The following MAP4 variants were observed in gnomAD, a reference collection of about 807,000 sequenced individuals.
MAP4 encodes the protein microtubule associated protein 4.
In MAP4, 76 loss-of-function variants were observed where a neutral mutation model predicts 170.2. The observed-to-expected ratio is 0.45, with a 90% confidence interval of 0.37 to 0.54. The LOEUF (loss-of-function observed/expected upper bound fraction) is 0.54, where lower values mean the gene tolerates loss of function less well. Ranked by LOEUF, MAP4 falls within the 20% of genes least tolerant of loss-of-function variation. MAP4 has a pLI of 0.00. For missense variants in MAP4, 2,506 were observed against 2,748.0 expected (o/e 0.91, Z 1.97); for synonymous variants, 909 against 994.5 (o/e 0.91, Z 1.62).
chr3:47,915,672 G>A (rs1347587922), intron 7 of MAP4, among the ~76,000 whole-genome samples: 1 of 152,118 alleles, frequency 6.6e-6, no homozygotes, highest in Non-Finnish European at 1.5e-5. Context: ...ACAAGTAGTT[G>A]GGTAGATAAT....
chr3:47,882,448 A>C (rs1297084594), intron 10 of MAP4, among the ~76,000 whole-genome samples: 1 of 145,530 alleles, frequency 6.9e-6, no homozygotes, highest in Admixed American at 6.8e-5. Flanking sequence ...TCCTTTTTTC[A>C]TTTTTTCAAA....
intron 1 of MAP4, among the ~76,000 whole-genome samples, chr3:48,036,431 GCCT>G: frequency 6.6e-6 from 1 of 152,178 alleles, no homozygotes; most frequent in South Asian, 2.1e-4. Context: ...TTAACTTTAT[GCCT>G]CCTGTTTTTT....
intron 1 of MAP4, among the ~76,000 whole-genome samples, chr3:48,063,610 G>T (rs1443480555): frequency 1.3e-5 from 2 of 151,960 alleles, no homozygotes; most frequent in Non-Finnish European, 2.9e-5. Flanking sequence ...GCCTTTAATA[G>T]GTGAATGGAT....
chr3:48,008,019 T>C (rs888507731), intron 1 of MAP4, among the ~76,000 whole-genome samples: 4 of 152,324 alleles, frequency 2.6e-5, no homozygotes, highest in Non-Finnish European at 5.9e-5. Flanking sequence ...TGTTTGACTA[T>C]GGGTCATCAA....
intron 1 of MAP4, among the ~76,000 whole-genome samples, chr3:48,058,487 A>G (rs1314491882): frequency 6.6e-6 from 1 of 152,218 alleles, no homozygotes; most frequent in African/African-American, 2.4e-5. Flanking sequence ...TCTGATTTTC[A>G]CTAGGTCTGG....
chr3:48,009,760 A>G (rs761985244), intron 1 of MAP4, among the ~76,000 whole-genome samples: 47 of 152,010 alleles, frequency 3.1e-4, no homozygotes, highest in Non-Finnish European at 5.7e-4. Context: ...ACTCACCATC[A>G]CCCCTAGTGA....
Position 47,911,992 on chromosome 3 carries a change from C to A in MAP4, c.2429G>T (p.Gly810Val), listed in dbSNP as rs182517927. The A allele has an allele frequency of 6.5e-7, 1 of 1,536,094 alleles. No homozygotes were observed. Among genetic ancestry groups the A allele is most frequent in the East Asian group, 2.4e-5 (1 of 40,920 alleles). ...HPFAADTQKS[G>V]VLPSQPTTMG... ...AGTGGTAGGCTGGCTGGGGAGAACA[C>A]CTGATTTTTGTGTGTCAGCTGCAAA... Residue 810 changes from glycine to valine, a missense_variant, in exon 9 of 21, where the codon GGT (glycine) becomes GTT (valine). Transcript: ENST00000683076. This position sits in a 1 kb window ranked among gnomAD's most constrained non-coding sequence, Gnocchi z 4.0.
Position 47,912,139 on chromosome 3 carries a change from A to G in MAP4, c.2282T>C (p.Ile761Thr). ...QRDLGREAWD[I>T]ESTPIMMKKK... Reference sequence around the variant, plus strand: ...CTTCATCATTATTGGTGTGCTTTCTATATCCCAGGCCTCCCTGCCAAGATC... The same window carrying G: ...CTTCATCATTATTGGTGTGCTTTCTGTATCCCAGGCCTCCCTGCCAAGATC... The change falls in exon 9 of 21, where the codon ATA (isoleucine) becomes ACA (threonine). Residue 761 changes from isoleucine (I) to threonine (T), a missense_variant. Physicochemically the swap from Ile to Thr is moderately conservative, Grantham distance 89 (BLOSUM62 -1). Coordinates refer to ENST00000683076, the MANE Select transcript of MAP4 (RefSeq NM_001385682.1). 2.2e-5 allele frequency: 34 copies of G among 1,536,094 alleles called. No individual in the cohort carries two copies. Among genetic ancestry groups the G allele is most frequent in the Non-Finnish European group, 3.0e-5 (34 of 1,146,894 alleles).
At chr3:48,075,508 C>T (rs915901226) in intron 1 of MAP4, among the ~76,000 whole-genome samples, 6 of 151,680 alleles carry the variant, frequency 4.0e-5, no homozygotes, top group Admixed American at 1.3e-4. Context: ...GCCTGGGCAA[C>T]GGAGCAAGAC....
chr3:47,912,379 TG>T lies in MAP4; in HGVS notation c.2041del (p.Gln681LysfsTer81), dbSNP rs1331093994. On this transcript the variant is annotated frameshift_variant, in exon 9 of 21. Transcript: ENST00000683076. LOFTEE classifies it high-confidence loss of function. The stretch of plus-strand genomic sequence containing the variant: ...CCTGCGGTCACTGGGTCTGCAAACT[TG>T]TTTGGCTTGTGTGGGAGGGGTACCG... ...YCGTPPTQAK[Q>X]VCRPSDRRST... 2 of 1,528,708 alleles carry T rather than the reference TG, an allele frequency of 1.3e-6. No individual in the cohort carries two copies. Among genetic ancestry groups the T allele is most frequent in the Admixed American group, 4.0e-5 (2 of 50,142 alleles). The allele number at this position is 1,528,708 out of a possible 1,614,324, so 94.7% of individuals were successfully genotyped here.
In MAP4 at chr3:47,997,326, T is replaced by TAAAA; in HGVS notation, c.223+1308_223+1311dup. On this transcript the variant is annotated intron_variant, in intron 2 of 20. Transcript: ENST00000683076. ...TCTAAACACAACATATTTAAACTGC[T>TAAAA]AAAAAAAAAAAAAAAAAAAGATAAA... 3.7e-3 allele frequency among the ~76,000 whole-genome samples: 165 copies of TAAAA among 44,970 alleles called. 7 individuals carry two copies. The highest frequency in any genetic ancestry group is 4.9e-3 in the Non-Finnish European group (116 of 23,456). 29.5% of individuals were successfully genotyped at this position (44,970 alleles called of 152,430 possible). A position where few individuals can be genotyped will look rare whatever the true frequency, so the allele number is the denominator to read the frequency against.
At chr3:48,012,004 A>T (rs1487087340) in intron 1 of MAP4, among the ~76,000 whole-genome samples, 2 of 152,162 alleles carry the variant, frequency 1.3e-5, no homozygotes, top group African/African-American at 4.8e-5. Context: ...AAATCCTGAG[A>T]TCGGATTAAG....
chr3:47,857,598 G>A (rs1172876062), intron 17 of MAP4, 86 bp from the exon 18 acceptor site: 480 of 913,496 alleles, frequency 5.3e-4, no homozygotes, highest in East Asian at 9.3e-4. Flanking sequence ...TCTTCTCCAT[G>A]TTCAGGGTTT....
intron 1 of MAP4, among the ~76,000 whole-genome samples, chr3:48,024,507 C>T (rs2100112093): frequency 1.3e-5 from 2 of 152,058 alleles, no homozygotes; most frequent in South Asian, 4.1e-4. Context: ...CTACAAAGCA[C>T]TTGATGAAAT....
chr3:47,888,473 G>A (rs1174120941), intron 10 of MAP4, among the ~76,000 whole-genome samples: 5 of 151,146 alleles, frequency 3.3e-5, no homozygotes, highest in Admixed American at 1.3e-4. Context: ...CTCCAGACGC[G>A]CTGCCTTAAG....
chr3:48,086,110 GTGTA>G (rs758264444), intron 1 of MAP4, among the ~76,000 whole-genome samples: 1 of 139,112 alleles, frequency 7.2e-6, no homozygotes, highest in Non-Finnish European at 1.5e-5. Flanking sequence ...ATATGTATAT[GTGTA>G]TGTATATATG....
intron 10 of MAP4, among the ~76,000 whole-genome samples, chr3:47,879,148 T>C (rs543353656): frequency 6.6e-6 from 1 of 152,174 alleles, no homozygotes; most frequent in African/African-American, 2.4e-5. Context: ...AACTGGTTAT[T>C]ATGGTAGAAA....
rs1221250815 is a variant in MAP4 at position 47,909,800 on chromosome 3, C to G, written c.4621G>C (p.Ala1541Pro). 1 of 1,614,022 alleles carries G rather than the reference C, an allele frequency of 6.2e-7. No homozygotes were observed. The highest frequency in any genetic ancestry group is 8.5e-7 in the Non-Finnish European group (1 of 1,179,894). The part of the protein sequence containing the change: ...AELADSMKNE[A>P]GIDEGHVIGE... ...ATCACATGCCCTTCATCGATCCCTG[C>G]TTCATTTTTCATGGAATCAGCAAGC... Residue 1541 changes from alanine to proline, a missense_variant, in exon 9 of 21, where the codon GCA (alanine) becomes CCA (proline). Physicochemically the swap from Ala to Pro is conservative, Grantham distance 27. Around this residue, in one of 3 missense-constraint regions of MAP4, gnomAD observed 2,008 missense variants for 2,206.0 expected, o/e 0.91. Transcript: ENST00000683076.
At chr3:47,968,654 C>A (rs1394083646) in intron 3 of MAP4, among the ~76,000 whole-genome samples, 1 of 151,954 alleles carries the variant, frequency 6.6e-6, no homozygotes, top group Non-Finnish European at 1.5e-5. Context: ...ATAAAAATCA[C>A]CAATCACTAA....
Sources: allele counts gnomAD v4.1 joint callset (sites outside exome capture counted in the v4.1 genomes callset), GRCh38; gene constraint gnomAD v4.1.1; regional missense constraint gnomAD v4.1.1; non-coding constraint Gnocchi (gnomAD v3.1); transcripts MANE v1.5; gene names NCBI Gene and HGNC (gene_info 2026-07-23, HGNC 2026-07-21).